The following PCDH9 variants were observed in gnomAD, a reference collection of about 807,000 sequenced individuals.
PCDH9 encodes protocadherin 9.
Under a neutral mutation model 70.6 loss-of-function variants are expected in PCDH9, and 24 were observed. The ratio of observed to expected loss-of-function variants is 0.34; its 90% CI spans 0.25 to 0.48. The LOEUF is 0.48. PCDH9 is among the 20% of genes least tolerant of loss of function. The pLI is 0.99. For missense variants in PCDH9, 1,281 were observed against 1,503.6 expected (o/e 0.85, Z 2.45); for synonymous variants, 562 against 558.5 (o/e 1.01, Z -0.09).
chr13:66,999,146 T>C (rs111896430), intron 2 of PCDH9, among the ~76,000 whole-genome samples: 3 of 152,200 alleles, frequency 2.0e-5, no homozygotes, highest in African/African-American at 7.2e-5. Flanking sequence ...AGATTGTGCA[T>C]GTTATTCATT....
chr13:66,657,783 A>T (rs188332309), intron 3 of PCDH9, among the ~76,000 whole-genome samples: 2 of 152,278 alleles, frequency 1.3e-5, no homozygotes, highest in East Asian at 3.9e-4. Flanking sequence ...ATCACCACTT[A>T]CAAGGATTAC....
At chr13:67,165,525 GT>G (rs1176417398) in intron 2 of PCDH9, among the ~76,000 whole-genome samples, 1 of 151,896 alleles carries the variant, frequency 6.6e-6, no homozygotes, top group African/African-American at 2.4e-5. Flanking sequence ...CATTTTATAA[GT>G]GGTCAAGACT....
intron 4 of PCDH9, among the ~76,000 whole-genome samples, chr13:66,560,253 A>G (rs1192845226): frequency 6.6e-6 from 1 of 152,010 alleles, no homozygotes; most frequent in African/African-American, 2.4e-5. Context: ...TTAAGCTCAT[A>G]TGTCAATGGC....
At chr13:66,677,753 C>G (rs2078263879) in intron 3 of PCDH9, among the ~76,000 whole-genome samples, 1 of 152,088 alleles carries the variant, frequency 6.6e-6, no homozygotes, top group Non-Finnish European at 1.5e-5. Flanking sequence ...GATGCCAGCA[C>G]CATGATTCCT....
intron 4 of PCDH9, among the ~76,000 whole-genome samples, chr13:66,464,702 G>T (rs948855308): frequency 1.3e-5 from 2 of 151,810 alleles, no homozygotes; most frequent in African/African-American, 4.8e-5. Flanking sequence ...TCCAGAGAGG[G>T]GACTGCAAGT....
rs566775599 is a variant in PCDH9 at position 67,016,651 on chromosome 13, T to C, written c.3037-113046A>G. ...AATCCAGTAAATTTTATTTGTACTT[T>C]CCCCATATTCTCTCCAATAGTTCAC... On this transcript the variant is annotated intron_variant, in intron 2 of 4. Transcript: ENST00000377865. Among the ~76,000 whole-genome samples the C allele has an allele frequency of 2.6e-5, 4 of 152,300 alleles. No individual in the cohort carries two copies. The East Asian group carries it at 7.7e-4, about 29-fold the overall frequency.
intron 3 of PCDH9, among the ~76,000 whole-genome samples, chr13:66,783,187 C>A (rs2080027091): frequency 1.3e-5 from 2 of 152,104 alleles, no homozygotes; most frequent in South Asian, 4.1e-4. Context: ...TACACGACCC[C>A]AGAGTGCTGT....
intron 4 of PCDH9, among the ~76,000 whole-genome samples, chr13:66,376,610 C>A (rs1194881113): frequency 6.6e-6 from 1 of 151,718 alleles, no homozygotes; most frequent in African/African-American, 2.4e-5. Context: ...AGAAAAAATA[C>A]AAGTATTTTT....
intron 4 of PCDH9, among the ~76,000 whole-genome samples, chr13:66,484,901 A>G (rs1489197450): frequency 2.0e-5 from 3 of 152,252 alleles, no homozygotes; most frequent in African/African-American, 7.2e-5. Context: ...AAAATGAAGC[A>G]AACTCTGCAA....
At chr13:66,687,723 A>C (rs2078424464) in intron 3 of PCDH9, among the ~76,000 whole-genome samples, 1 of 152,078 alleles carries the variant, frequency 6.6e-6, no homozygotes, top group Non-Finnish European at 1.5e-5. Flanking sequence ...AATTTTGGCC[A>C]CTTAATTCCC....
chr13:66,821,948 T>C (rs2080718115), intron 3 of PCDH9, among the ~76,000 whole-genome samples: 1 of 152,206 alleles, frequency 6.6e-6, no homozygotes. Context: ...GTAAAATAGC[T>C]GTCTATATGA....
chr13:66,654,219 T>C (rs2077895027), intron 3 of PCDH9, among the ~76,000 whole-genome samples: 1 of 152,064 alleles, frequency 6.6e-6, no homozygotes, highest in Admixed American at 6.6e-5. Context: ...GGCACAGAAA[T>C]ACAAACTTCA....
chr13:66,928,878 T>G (rs1178816907), intron 2 of PCDH9, among the ~76,000 whole-genome samples: 1 of 152,158 alleles, frequency 6.6e-6, no homozygotes, highest in Non-Finnish European at 1.5e-5. Context: ...TGACTTTGTG[T>G]TTCCAGTTAA....
intron 3 of PCDH9, among the ~76,000 whole-genome samples, chr13:66,796,627 A>T (rs2080245702): frequency 1.1e-5 from 1 of 92,344 alleles, no homozygotes; most frequent in Non-Finnish European, 2.6e-5. Flanking sequence ...ATTTTTAGTA[A>T]TATGCAGAAT....
At position 67,191,407 on chromosome 13, in the gene PCDH9, T is replaced by C. The variant is rs140787026; in HGVS notation, c.3036+33998A>G. Among the ~76,000 whole-genome samples, 440 of 152,276 alleles carry C rather than the reference T, an allele frequency of 2.9e-3. 2 individuals are homozygous for C. Among genetic ancestry groups the C allele is most frequent in the African/African-American group, 9.9e-3 (412 of 41,554 alleles). ...AATACTTGATAAAAATTTGAATAAATTTGAAGAATTTATCTCTATAAATCA... is the reference window on the plus strand; with the variant it reads ...AATACTTGATAAAAATTTGAATAAACTTGAAGAATTTATCTCTATAAATCA... On this transcript the variant is annotated intron_variant, in intron 2 of 4. Coordinates refer to ENST00000377865, the MANE Select transcript of PCDH9 (RefSeq NM_203487.3).
chr13:66,700,772 G>A (rs2078627598), intron 3 of PCDH9, among the ~76,000 whole-genome samples: 2 of 151,572 alleles, frequency 1.3e-5, no homozygotes, highest in South Asian at 4.2e-4. Flanking sequence ...CTTATATACT[G>A]CAAGATTCTC....
In PCDH9 at chr13:66,733,665, T is replaced by A. The variant is rs1250785501; in HGVS notation, c.3139-102254A>T. Among the ~76,000 whole-genome samples the A allele has an allele frequency of 8.5e-5, 10 of 117,478 alleles. No individual in the cohort carries two copies. The East Asian group carries it at 2.8e-3, about 33-fold the overall frequency. 77.1% of individuals were successfully genotyped at this position (117,478 alleles called of 152,430 possible). A position where few individuals can be genotyped will look rare whatever the true frequency, so the allele number is the denominator to read the frequency against. Reference sequence around the variant, plus strand: ...TGGCATTTTCATATATAGAAAAATGTATAAAGGTAGGCTTTTTTTTTTTTT... The same window carrying A: ...TGGCATTTTCATATATAGAAAAATGAATAAAGGTAGGCTTTTTTTTTTTTT... On this transcript the variant is annotated intron_variant, in intron 3 of 4. Coordinates refer to ENST00000377865, the MANE Select transcript of PCDH9 (RefSeq NM_203487.3).
At chr13:66,920,226 T>A (rs1376004991) in intron 2 of PCDH9, among the ~76,000 whole-genome samples, 1 of 151,148 alleles carries the variant, frequency 6.6e-6, no homozygotes, top group South Asian at 2.1e-4. Context: ...GACAGATTTT[T>A]CCTATGCATT....
At chr13:67,141,016 T>C (rs901375780) in intron 2 of PCDH9, among the ~76,000 whole-genome samples, 1 of 152,156 alleles carries the variant, frequency 6.6e-6, no homozygotes. Flanking sequence ...AGCTATCTTT[T>C]CAGCACAACT....
Sources: allele counts gnomAD v4.1 joint callset (sites outside exome capture counted in the v4.1 genomes callset), GRCh38; gene constraint gnomAD v4.1.1; transcripts MANE v1.5; gene names NCBI Gene and HGNC (gene_info 2026-07-23, HGNC 2026-07-21).